PTPN21: variants seen among roughly 807,000 people sequenced by gnomAD.
The protein encoded by PTPN21 is tyrosine-protein phosphatase non-receptor type 21.
PTPN21 carries 77 observed loss-of-function variants against 131.8 expected under a neutral mutation model. The ratio of observed to expected loss-of-function variants is 0.58; its 90% CI spans 0.49 to 0.71. The LOEUF (loss-of-function observed/expected upper bound fraction) is 0.71, where lower values mean the gene tolerates loss of function less well. PTPN21 is among the 30% of genes least tolerant of loss of function. The pLI, the probability that PTPN21 is intolerant of heterozygous loss-of-function variation, is 0.00. For missense variants in PTPN21, 1,552 were observed against 1,527.1 expected (o/e 1.02, Z -0.27); for synonymous variants, 715 against 621.3 (o/e 1.15, Z -2.24).
At chr14:88,554,594 C>T (rs1237933624) in intron 1 of PTPN21, 57 bp downstream of exon 1, 1 of 150,102 alleles carries the variant, frequency 6.7e-6, no homozygotes, top group Non-Finnish European at 1.5e-5. Flanking sequence ...AGTGGACACA[C>T]CCCACCGCTC....
At chr14:88,545,632 A>AT (rs1185271332) in intron 2 of PTPN21, among the ~76,000 whole-genome samples, 1 of 152,246 alleles carries the variant, frequency 6.6e-6, no homozygotes, top group Non-Finnish European at 1.5e-5. Flanking sequence ...AACTACTGCT[A>AT]TAACGAACAG....
intron 2 of PTPN21, among the ~76,000 whole-genome samples, chr14:88,549,585 G>C (rs976717876): frequency 6.6e-6 from 1 of 151,918 alleles, no homozygotes; most frequent in Non-Finnish European, 1.5e-5. Flanking sequence ...GGCCAGAGAA[G>C]CCTGTCGTGT....
chr14:88,526,547 C>CAAAAAAAAAAAAA (rs10587204), intron 2 of PTPN21, among the ~76,000 whole-genome samples: 1 of 56,912 alleles, frequency 1.8e-5, no homozygotes, highest in Non-Finnish European at 2.8e-5. Context: ...GAGATGATCT[C>CAAAAAAAAAAAAA]AAAAAAAAAA....
intron 2 of PTPN21, among the ~76,000 whole-genome samples, chr14:88,534,719 C>T (rs771183254): frequency 6.6e-6 from 1 of 151,602 alleles, no homozygotes; most frequent in Non-Finnish European, 1.5e-5. Flanking sequence ...ACTAAAACTA[C>T]AAAAATTAGC....
At chr14:88,513,776 G>A (rs913335627) in intron 3 of PTPN21, 1 of 152,160 alleles carries the variant, frequency 6.6e-6, no homozygotes, top group African/African-American at 2.4e-5. Flanking sequence ...TTTGCAGGTC[G>A]TTTTTGCTAG....
chr14:88,478,914 G>T lies in PTPN21; in HGVS notation c.2511+6C>A. 6.8e-7 allele frequency: 1 copy of T among 1,471,294 alleles called. No individual in the cohort carries two copies. 91.1% of individuals were successfully genotyped at this position (1,471,294 alleles called of 1,614,324 possible). A position where few individuals can be genotyped will look rare whatever the true frequency, so the allele number is the denominator to read the frequency against. ...CTGGCCCGGCACTGCTCGCCGCGTG[G>T]CTTACCCCTAGAGGCGGGAGCCCTT... On this transcript the variant is annotated splice_donor_region_variant and intron_variant, in intron 13 of 18. Coordinates refer to ENST00000556564, the MANE Select transcript of PTPN21 (RefSeq NM_007039.4).
At chr14:88,552,553 C>A (rs1027511669) in intron 1 of PTPN21, 1 of 152,156 alleles carries the variant, frequency 6.6e-6, no homozygotes, top group African/African-American at 2.4e-5. Flanking sequence ...GGTTATTTCC[C>A]ATAGCCAGGA....
chr14:88,505,301 T>C lies in PTPN21; in HGVS notation c.516+3A>G, dbSNP rs570815338. The C allele has an allele frequency of 1.9e-6, 3 of 1,596,100 alleles. No individual in the cohort carries two copies. Among genetic ancestry groups the C allele is most frequent in the South Asian group, 2.2e-5 (2 of 89,846 alleles). ...AAAGGCCCAGTGTCAAAAGAAGTCTTACCACAGGAAACAAGGCAAATTTCT... is the reference window on the plus strand; with the variant it reads ...AAAGGCCCAGTGTCAAAAGAAGTCTCACCACAGGAAACAAGGCAAATTTCT... On this transcript the variant is annotated splice_donor_region_variant and intron_variant, in intron 5 of 18. Transcript: ENST00000556564.
At chr14:88,526,780 T>G (rs1364710530) in intron 2 of PTPN21, among the ~76,000 whole-genome samples, 3 of 152,112 alleles carry the variant, frequency 2.0e-5, no homozygotes, top group African/African-American at 4.8e-5. Flanking sequence ...CTGTACCCAA[T>G]CTGTAGTCTT....
intron 2 of PTPN21, among the ~76,000 whole-genome samples, chr14:88,532,033 A>G (rs1341496039): frequency 6.6e-6 from 1 of 151,990 alleles, no homozygotes; most frequent in African/African-American, 2.4e-5. Context: ...GAAATAGACA[A>G]CTCTCCTAGA....
chr14:88,508,149 TG>T (rs2078123658), intron 3 of PTPN21, 129 bp from the exon 4 acceptor site: 31 of 464,604 alleles, frequency 6.7e-5, no homozygotes, highest in South Asian at 1.7e-4. Flanking sequence ...TGGTTGTGTG[TG>T]TTTTTTTTTT....
At chr14:88,506,213 A>G (rs2078085119) in intron 4 of PTPN21, among the ~76,000 whole-genome samples, 1 of 152,086 alleles carries the variant, frequency 6.6e-6, no homozygotes, top group African/African-American at 2.4e-5. Flanking sequence ...GGTAGCGCAC[A>G]CCTGTAGTCA....
At chr14:88,547,318 A>T (rs2078796658) in intron 2 of PTPN21, among the ~76,000 whole-genome samples, 1 of 76,282 alleles carries the variant, frequency 1.3e-5, no homozygotes, top group Non-Finnish European at 2.7e-5. Flanking sequence ...AAAAAGTCGA[A>T]GCAACCAAAG....
Position 88,517,225 on chromosome 14 carries a change from T to A in PTPN21, c.217A>T (p.Asn73Tyr). 31 of 1,614,082 alleles carry A rather than the reference T, an allele frequency of 1.9e-5. No homozygotes were observed. Among genetic ancestry groups the A allele is most frequent in the Non-Finnish European group, 2.5e-5 (30 of 1,179,972 alleles). The stretch of plus-strand genomic sequence containing the variant: ...TCCAAATCTACCCACCGGCGCTGAT[T>A]TTGCTTGTTGTAGTACCAGAGGCTG... ...YFSLWYYNKQ[N>Y]QRRWVDLEKP... The change falls in exon 3 of 19, where the codon AAT (asparagine) becomes TAT (tyrosine). Residue 73 changes from asparagine to tyrosine, a missense_variant. Physicochemically the swap from Asn to Tyr is moderately radical, Grantham distance 143. Coordinates refer to ENST00000556564, the MANE Select transcript of PTPN21 (RefSeq NM_007039.4).
At chr14:88,505,706 C>T (rs2078077375) in intron 4 of PTPN21, among the ~76,000 whole-genome samples, 1 of 152,080 alleles carries the variant, frequency 6.6e-6, no homozygotes, top group African/African-American at 2.4e-5. Context: ...AAGGAGAAAC[C>T]AAATTGTCAA....
chr14:88,544,232 C>G (rs2078743856), intron 2 of PTPN21, among the ~76,000 whole-genome samples: 1 of 152,006 alleles, frequency 6.6e-6, no homozygotes, highest in African/African-American at 2.4e-5. Context: ...GTAATCCCAG[C>G]TACTTGGGAG....
intron 13 of PTPN21, among the ~76,000 whole-genome samples, chr14:88,474,560 T>G (rs548300847): frequency 1.1e-4 from 16 of 151,796 alleles, no homozygotes; most frequent in Non-Finnish European, 2.2e-4. Flanking sequence ...GCAGCCCCCT[T>G]TGTGTGTTAA....
intron 2 of PTPN21, among the ~76,000 whole-genome samples, chr14:88,530,431 A>G (rs1186143558): frequency 6.6e-6 from 1 of 152,218 alleles, no homozygotes; most frequent in African/African-American, 2.4e-5. Flanking sequence ...AGTACCTCAC[A>G]TTTCAGTACT....
At chr14:88,539,326 T>C (rs2078672448) in intron 2 of PTPN21, among the ~76,000 whole-genome samples, 2 of 151,362 alleles carry the variant, frequency 1.3e-5, no homozygotes, top group South Asian at 2.1e-4. Context: ...CTTGACTCAA[T>C]GTAACCTCCA....
Sources: allele counts gnomAD v4.1 joint callset (sites outside exome capture counted in the v4.1 genomes callset), GRCh38; gene constraint gnomAD v4.1.1; transcripts MANE v1.5; gene names NCBI Gene and HGNC (gene_info 2026-07-23, HGNC 2026-07-21).